The following EDIL3 variants were observed in gnomAD, a reference collection of about 807,000 sequenced individuals.
EDIL3 encodes EGF-like repeat and discoidin I-like domain-containing protein 3.
EDIL3 carries 37 observed loss-of-function variants against 67.4 expected under a neutral mutation model. The ratio of observed to expected loss-of-function variants is 0.55; its 90% CI spans 0.42 to 0.72. The LOEUF (loss-of-function observed/expected upper bound fraction) is 0.72. EDIL3 is among the 30% of genes least tolerant of loss of function. EDIL3 has a pLI of 0.00. For synonymous variants in EDIL3, 195 were observed against 196.3 expected, an observed-to-expected ratio of 0.99 and a Z score of 0.05; for missense variants, 527 against 586.3, an observed-to-expected ratio of 0.90 and a Z score of 1.04.
At chr5:84,070,606 AGTGTGTGT>A (rs35930293) in intron 6 of EDIL3, among the ~76,000 whole-genome samples, 26,470 of 144,670 alleles carry the variant, frequency 0.18, 2,616 homozygotes, top group Admixed American at 0.24. Context: ...TATGGTTAAG[AGTGTGTGT>A]GTGTGTGTGT....
intron 9 of EDIL3, among the ~76,000 whole-genome samples, chr5:84,015,334 G>A (rs1475800623): frequency 6.6e-6 from 1 of 152,180 alleles, no homozygotes; most frequent in African/African-American, 2.4e-5. Flanking sequence ...TGCACAGTAG[G>A]TGGCAGAGTT....
At chr5:84,131,338 G>C (rs770763105) in intron 5 of EDIL3, among the ~76,000 whole-genome samples, 14 of 152,042 alleles carry the variant, frequency 9.2e-5, no homozygotes, top group Non-Finnish European at 2.1e-4. Flanking sequence ...GTTACAAATA[G>C]AAAATGTTTA....
intron 5 of EDIL3, among the ~76,000 whole-genome samples, chr5:84,115,999 G>A (rs1240235121): frequency 6.6e-6 from 1 of 152,160 alleles, no homozygotes. Flanking sequence ...CTAAGGCATT[G>A]CCTTTGATGT....
chr5:84,271,339 G>C (rs1254042768), intron 1 of EDIL3, among the ~76,000 whole-genome samples: 1 of 151,760 alleles, frequency 6.6e-6, no homozygotes, highest in East Asian at 1.9e-4. Flanking sequence ...GTGTGAACCC[G>C]GGAGGCAGAG....
At chr5:84,024,918 G>A (rs977547550) in intron 9 of EDIL3, among the ~76,000 whole-genome samples, 12 of 151,496 alleles carry the variant, frequency 7.9e-5, no homozygotes, top group Non-Finnish European at 1.6e-4. Context: ...ACATGACAAC[G>A]CTCAACCTTT....
intron 3 of EDIL3, among the ~76,000 whole-genome samples, chr5:84,204,677 T>A (rs1444153171): frequency 6.6e-6 from 1 of 151,962 alleles, no homozygotes; most frequent in Non-Finnish European, 1.5e-5. Flanking sequence ...GACTGCAATG[T>A]CAGTATCCTT....
At chr5:84,363,964 A>G (rs1472763141) in intron 1 of EDIL3, among the ~76,000 whole-genome samples, 2 of 152,168 alleles carry the variant, frequency 1.3e-5, no homozygotes, top group African/African-American at 4.8e-5. Flanking sequence ...TTTGTCATCA[A>G]TTCTTAGTGT....
intron 9 of EDIL3, among the ~76,000 whole-genome samples, chr5:84,044,822 G>A (rs3822642): frequency 0.12 from 17,950 of 152,116 alleles, 1,664 homozygotes; most frequent in African/African-American, 0.25. Flanking sequence ...AAGAGCCAGG[G>A]CAGTTCCTGA....
At chr5:84,220,674 A>C (rs901953240) in intron 3 of EDIL3, among the ~76,000 whole-genome samples, 21 of 152,284 alleles carry the variant, frequency 1.4e-4, no homozygotes, top group Non-Finnish European at 2.6e-4. Context: ...TTCATGTATC[A>C]ACACCTTAGT....
At chr5:84,114,148 G>GTTTTTT (rs918208407) in intron 5 of EDIL3, among the ~76,000 whole-genome samples, 10 of 109,844 alleles carry the variant, frequency 9.1e-5, no homozygotes, top group Admixed American at 2.0e-4. Context: ...GAACCCTAAA[G>GTTTTTT]TTTTTTTTTT....
At chr5:84,269,862 C>A (rs896355325) in intron 1 of EDIL3, among the ~76,000 whole-genome samples, 3 of 152,158 alleles carry the variant, frequency 2.0e-5, no homozygotes, top group Non-Finnish European at 4.4e-5. Flanking sequence ...ATCTCCCCAA[C>A]GTTCTTCACT....
At chr5:84,331,017 A>G (rs1233665563) in intron 1 of EDIL3, among the ~76,000 whole-genome samples, 4 of 152,158 alleles carry the variant, frequency 2.6e-5, no homozygotes, top group African/African-American at 4.8e-5. Flanking sequence ...AGGTTTAATG[A>G]CTGTCCTATT....
At chr5:83,951,209 T>C (rs532327906) in intron 10 of EDIL3, among the ~76,000 whole-genome samples, 28 of 151,894 alleles carry the variant, frequency 1.8e-4, no homozygotes, top group African/African-American at 6.7e-4. Context: ...ATTTAAACCA[T>C]TAAAATGAAT....
chr5:84,365,047 G>A (rs1449561862), intron 1 of EDIL3, among the ~76,000 whole-genome samples: 1 of 151,936 alleles, frequency 6.6e-6, no homozygotes, highest in Non-Finnish European at 1.5e-5. Context: ...TGTTTTGAGA[G>A]GAGGAGGTAG....
chr5:84,095,296 A>G (rs1166289287), intron 6 of EDIL3, among the ~76,000 whole-genome samples: 1 of 152,198 alleles, frequency 6.6e-6, no homozygotes, highest in Non-Finnish European at 1.5e-5. Flanking sequence ...AAAATGTGGA[A>G]GCAACTTTGG....
intron 1 of EDIL3, among the ~76,000 whole-genome samples, chr5:84,340,384 TC>T (rs1389047954): frequency 6.6e-6 from 1 of 151,558 alleles, no homozygotes; most frequent in Non-Finnish European, 1.5e-5. Context: ...ATAATCCATT[TC>T]TTATTTGGAG....
At chr5:84,340,528 C>CTATA (rs1747084086) in intron 1 of EDIL3, among the ~76,000 whole-genome samples, 6 of 71,538 alleles carry the variant, frequency 8.4e-5, no homozygotes, top group Non-Finnish European at 1.6e-4. Flanking sequence ...CTCTCTCTCT[C>CTATA]TCTCTCTATA....
intron 4 of EDIL3, among the ~76,000 whole-genome samples, chr5:84,142,968 G>A (rs564260277): frequency 2.8e-4 from 43 of 151,674 alleles, no homozygotes; most frequent in African/African-American, 9.9e-4. Flanking sequence ...GCTATTTTTT[G>A]ATCCTTAACA....
chr5:84,033,052 C>G (rs934844855), intron 9 of EDIL3, among the ~76,000 whole-genome samples: 1 of 152,154 alleles, frequency 6.6e-6, no homozygotes, highest in Non-Finnish European at 1.5e-5. Flanking sequence ...TTCTGGCTGT[C>G]AGCCCAACAG....
Sources: allele counts gnomAD v4.1 joint callset (sites outside exome capture counted in the v4.1 genomes callset), GRCh38; gene constraint gnomAD v4.1.1; transcripts MANE v1.5; gene names NCBI Gene and HGNC (gene_info 2026-07-23, HGNC 2026-07-21).